Variants in RANBP2 observed in about 807,000 individuals in gnomAD.
RANBP2 encodes the protein RAN binding protein 2, also known as E3 SUMO-protein ligase RanBP2.
A neutral mutation model predicts 303.6 loss-of-function variants in RANBP2; 57 were observed. The ratio of observed to expected loss-of-function variants is 0.19; its 90% CI spans 0.15 to 0.23. The LOEUF is 0.23. Among genes scored for constraint, RANBP2 ranks in the 10% least tolerant of loss-of-function variants. The pLI is 1.00. For missense variants in RANBP2, 3,138 were observed against 3,780.8 expected (o/e 0.83, Z 4.46); for synonymous variants, 1,167 against 1,301.5 (o/e 0.90, Z 2.23).
At chr2:109,637,915 A>C in the RANBP2 span, among the ~76,000 whole-genome samples, 1 of 152,128 alleles carries the variant, frequency 6.6e-6, no homozygotes, top group African/African-American at 2.4e-5. Flanking sequence ...CTGAGATCAC[A>C]CCACTGCACT....
At chr2:108,930,001 G>C in the RANBP2 span, 1 of 1,272,862 alleles carries the variant, frequency 7.9e-7, no homozygotes, top group Non-Finnish European at 1.1e-6. Flanking sequence ...GAGCGTGACC[G>C]GCTGGTTTGA....
the RANBP2 span, among the ~76,000 whole-genome samples, chr2:109,562,410 CT>C: frequency 1.3e-5 from 2 of 151,018 alleles, no homozygotes; most frequent in Admixed American, 6.6e-5. Flanking sequence ...AGGGGTCCTC[CT>C]CCCACCCCTC....
At chr2:109,261,015 T>C in the RANBP2 span, among the ~76,000 whole-genome samples, 6 of 152,120 alleles carry the variant, frequency 3.9e-5, no homozygotes, top group Admixed American at 2.0e-4. Flanking sequence ...TCCCTCCCTT[T>C]AGAGGGCACT....
chr2:109,632,614 C>A, the RANBP2 span, among the ~76,000 whole-genome samples: 1 of 152,046 alleles, frequency 6.6e-6, no homozygotes, highest in Non-Finnish European at 1.5e-5. Context: ...AAGCTCGAGG[C>A]CAGCCTGGCC....
At chr2:109,705,539 G>A in the RANBP2 span, among the ~76,000 whole-genome samples, 3 of 152,216 alleles carry the variant, frequency 2.0e-5, no homozygotes, top group African/African-American at 7.2e-5. Context: ...CAGGAGTGGC[G>A]TTAAAGCTTG....
At chr2:108,812,801 C>G in the RANBP2 span, 1 of 1,610,546 alleles carries the variant, frequency 6.2e-7, no homozygotes, top group Non-Finnish European at 8.5e-7. Context: ...CTTTAATTCA[C>G]GCATATATAC....
chr2:109,500,525 AG>A, the RANBP2 span, among the ~76,000 whole-genome samples: 1 of 152,172 alleles, frequency 6.6e-6, no homozygotes, highest in Admixed American at 6.5e-5. Flanking sequence ...CAGAGGCTGC[AG>A]GGGGCCCAAG....
chr2:109,707,441 A>G, the RANBP2 span, among the ~76,000 whole-genome samples: 1 of 152,258 alleles, frequency 6.6e-6, no homozygotes, highest in Non-Finnish European at 1.5e-5. Context: ...ATTGGAAAGC[A>G]ATCTACCCTG....
chr2:109,350,299 C>T, the RANBP2 span, among the ~76,000 whole-genome samples: 2 of 152,200 alleles, frequency 1.3e-5, no homozygotes, highest in Admixed American at 6.5e-5. Flanking sequence ...GCGCCAGCCA[C>T]GGGAGGCCCA....
chr2:109,764,618 A>G, the RANBP2 span, among the ~76,000 whole-genome samples: 1 of 149,108 alleles, frequency 6.7e-6, no homozygotes, highest in African/African-American at 2.5e-5. Flanking sequence ...GTGATTCAGA[A>G]AAGAGACCAT....
At chr2:109,434,405 G>A in the RANBP2 span, among the ~76,000 whole-genome samples, 1 of 152,118 alleles carries the variant, frequency 6.6e-6, no homozygotes, top group Non-Finnish European at 1.5e-5. Flanking sequence ...GAGAACTTCC[G>A]CAGACCTTCA....
chr2:109,595,928 C>G, the RANBP2 span, among the ~76,000 whole-genome samples: 3 of 152,334 alleles, frequency 2.0e-5, no homozygotes, highest in Admixed American at 2.0e-4. Flanking sequence ...TAACATACTA[C>G]CTGCTTGCCT....
chr2:108,888,260 G>T, the RANBP2 span, among the ~76,000 whole-genome samples: 1 of 152,068 alleles, frequency 6.6e-6, no homozygotes, highest in Non-Finnish European at 1.5e-5. Flanking sequence ...GTTGGATTTG[G>T]TTTGCTTGTA....
chr2:109,116,369 A>G, the RANBP2 span, among the ~76,000 whole-genome samples: 1 of 151,802 alleles, frequency 6.6e-6, no homozygotes, highest in Non-Finnish European at 1.5e-5. Flanking sequence ...TTCTCACTTC[A>G]TTTCATTCAT....
At chr2:109,130,309 G>T in the RANBP2 span, among the ~76,000 whole-genome samples, 1 of 152,204 alleles carries the variant, frequency 6.6e-6, no homozygotes, top group Non-Finnish European at 1.5e-5. Flanking sequence ...GCTTGTTCAC[G>T]TGTGTCCCAT....
At chr2:109,018,080 GA>G in the RANBP2 span, among the ~76,000 whole-genome samples, 2 of 152,302 alleles carry the variant, frequency 1.3e-5, no homozygotes, top group East Asian at 3.9e-4. Context: ...TTTGCACCAG[GA>G]AGCATTTTCT....
At chr2:108,825,895 G>A in the RANBP2 span, among the ~76,000 whole-genome samples, 1 of 152,144 alleles carries the variant, frequency 6.6e-6, no homozygotes, top group African/African-American at 2.4e-5. Context: ...GTCTGCAGAA[G>A]TTTCGATTTC....
At chr2:109,329,166 C>T in the RANBP2 span, among the ~76,000 whole-genome samples, 15 of 152,278 alleles carry the variant, frequency 9.9e-5, no homozygotes, top group African/African-American at 2.2e-4. Context: ...GGTTTCTCTG[C>T]GCATTTGTTT....
chr2:109,545,582 G>C, the RANBP2 span: 1 of 1,534,056 alleles, frequency 6.5e-7, no homozygotes, highest in Non-Finnish European at 8.7e-7. Context: ...AGTATCAGTA[G>C]AATTTGTTCT....
Sources: gnomAD v4.1 joint callset for allele counts (sites outside exome capture counted in the v4.1 genomes callset) on GRCh38, gnomAD v4.1.1 for gene constraint, MANE v1.5 for transcripts, NCBI Gene and HGNC (gene_info 2026-07-23, HGNC 2026-07-21) for gene names.